Variants in CELF4 observed in about 807,000 individuals in gnomAD.
CELF4 encodes the protein CUGBP Elav-like family member 4.
A neutral mutation model predicts 59.9 loss-of-function variants in CELF4; 18 were observed. That is an observed-to-expected ratio of 0.30 (90% CI 0.21 to 0.45). The LOEUF (loss-of-function observed/expected upper bound fraction) is 0.45. CELF4 is among the 20% of genes least tolerant of loss of function. The pLI is 1.00. For missense variants in CELF4, 456 were observed against 689.0 expected (o/e 0.66, Z 3.79); for synonymous variants, 261 against 267.1 (o/e 0.98, Z 0.22).
chr18:37,350,064 A>G (rs982125855), intron 2 of CELF4, among the ~76,000 whole-genome samples: 7 of 152,120 alleles, frequency 4.6e-5, no homozygotes, highest in African/African-American at 1.4e-4. Flanking sequence ...TGGCAGTGCA[A>G]TTTGGGAGAG....
At chr18:37,373,763 A>T (rs115053451) in intron 2 of CELF4, among the ~76,000 whole-genome samples, 2,086 of 152,232 alleles carry the variant, frequency 0.014, 57 homozygotes, top group African/African-American at 0.048. Flanking sequence ...CTGTCCAGGC[A>T]GGGCATCATG....
At chr18:37,247,856 C>T (rs552144405) in intron 12 of CELF4, among the ~76,000 whole-genome samples, 2 of 152,178 alleles carry the variant, frequency 1.3e-5, no homozygotes, top group East Asian at 3.9e-4. Context: ...GGAGCAGGCG[C>T]TCTGCTTTTC....
chr18:37,411,194 G>T (rs2099450690), intron 2 of CELF4, among the ~76,000 whole-genome samples: 1 of 152,206 alleles, frequency 6.6e-6, no homozygotes, highest in Non-Finnish European at 1.5e-5. Context: ...GAGCTCAAGT[G>T]ATCCTCCCAC....
intron 2 of CELF4, among the ~76,000 whole-genome samples, chr18:37,336,913 C>T (rs550199249): frequency 1.2e-3 from 180 of 151,878 alleles, no homozygotes; most frequent in African/African-American, 4.1e-3. Flanking sequence ...GCGGGGCTGC[C>T]GGGCTGGCCC....
chr18:37,245,646 G>C lies in CELF4; in HGVS notation c.*45-449C>G, dbSNP rs1431032514. ...CCAGCCCACTCCTCCCAGCTCAAGG[G>C]AAAGAAGGAAGACACATCCGTGACT... On this transcript the variant is annotated intron_variant, in intron 12 of 12. Coordinates refer to ENST00000420428, the MANE Select transcript of CELF4 (RefSeq NM_020180.4). The surrounding 1 kb of genome is among the most constrained non-coding windows in gnomAD (Gnocchi z 4.1). 6.6e-6 allele frequency among the ~76,000 whole-genome samples: 1 copy of C among 152,064 alleles called. No homozygotes were observed. The highest frequency in any genetic ancestry group is 1.5e-5 in the Non-Finnish European group (1 of 68,036).
At chr18:37,379,149 G>A (rs1012875302) in intron 2 of CELF4, among the ~76,000 whole-genome samples, 4 of 152,158 alleles carry the variant, frequency 2.6e-5, no homozygotes, top group African/African-American at 7.2e-5. Flanking sequence ...CCTCCCCCGG[G>A]GCCTGGCCTA....
intron 2 of CELF4, among the ~76,000 whole-genome samples, chr18:37,434,591 G>T (rs900630625): frequency 6.6e-6 from 1 of 152,178 alleles, no homozygotes; most frequent in Non-Finnish European, 1.5e-5. Flanking sequence ...AGAGCCGGGG[G>T]TTTGCTGTGC....
chr18:37,476,618 C>T (rs1356652960), intron 2 of CELF4, among the ~76,000 whole-genome samples: 1 of 152,188 alleles, frequency 6.6e-6, no homozygotes, highest in African/African-American at 2.4e-5. Flanking sequence ...CCCACAGTTC[C>T]GGATCCCTGC....
At chr18:37,373,827 G>A (rs1244239309) in intron 2 of CELF4, among the ~76,000 whole-genome samples, 2 of 152,202 alleles carry the variant, frequency 1.3e-5, no homozygotes, top group African/African-American at 2.4e-5. Context: ...CACTAGGCAC[G>A]TGAGAGGCCC....
intron 2 of CELF4, among the ~76,000 whole-genome samples, chr18:37,483,606 C>G (rs530627101): frequency 1.3e-5 from 2 of 152,318 alleles, no homozygotes; most frequent in East Asian, 3.9e-4. Context: ...GCCACTGGAT[C>G]TCCCAGTATG....
intron 2 of CELF4, among the ~76,000 whole-genome samples, chr18:37,462,949 T>C (rs1448278593): frequency 6.6e-6 from 1 of 152,112 alleles, no homozygotes; most frequent in East Asian, 1.9e-4. Context: ...AGGTGTACCA[T>C]GTGTAAGAGC....
intron 1 of CELF4, 28 bp from the exon 2 acceptor site, chr18:37,485,635 G>T: frequency 7.3e-7 from 1 of 1,369,084 alleles, no homozygotes; most frequent in Non-Finnish European, 9.5e-7. Context: ...CGCCAAGAAG[G>T]GTCAGTGGGG....
intron 3 of CELF4, among the ~76,000 whole-genome samples, chr18:37,312,558 A>G (rs919849169): frequency 6.6e-6 from 1 of 152,220 alleles, no homozygotes; most frequent in African/African-American, 2.4e-5. Context: ...AAGGGAAAAC[A>G]TGCCCACCTA....
Position 37,512,672 on chromosome 18 carries a change from C to T in CELF4, c.287-27065G>A, listed in dbSNP as rs554307311. Among the ~76,000 whole-genome samples the T allele has an allele frequency of 2.0e-5, 3 of 151,030 alleles. No homozygotes were observed. The Admixed American group carries it at 2.0e-4, about 10-fold the overall frequency. On this transcript the variant is annotated intron_variant, in intron 1 of 12. Coordinates refer to ENST00000420428, the MANE Select transcript of CELF4 (RefSeq NM_020180.4). ...CCTTCTCCATCTCTTTCTTCTCCTC[C>T]TCTTCTTTCTTCTGTTCTTTATCTT...
At chr18:37,485,694 G>C in intron 1 of CELF4, 87 bp from the exon 2 acceptor site, 1 of 734,562 alleles carries the variant, frequency 1.4e-6, no homozygotes. Context: ...CCAGGCTCCC[G>C]CCCCTCCCTG....
intron 2 of CELF4, among the ~76,000 whole-genome samples, chr18:37,360,044 G>A (rs2098676732): frequency 1.3e-5 from 2 of 150,772 alleles, no homozygotes; most frequent in Admixed American, 1.3e-4. Flanking sequence ...GTAGAGACAG[G>A]GTTTCACCAT....
chr18:37,543,660 A>G (rs2154605546), intron 1 of CELF4, among the ~76,000 whole-genome samples: 1 of 152,312 alleles, frequency 6.6e-6, no homozygotes. Context: ...AAACCTTCAC[A>G]GTCATTATCT....
At chr18:37,266,458 G>T in intron 9 of CELF4, 75 bp downstream of exon 9, 4 of 1,381,808 alleles carry the variant, frequency 2.9e-6, no homozygotes, top group East Asian at 2.5e-5. Flanking sequence ...CCAGGCCTGA[G>T]GGGGCACTGG....
chr18:37,546,990 C>T (rs1438512877), intron 1 of CELF4, among the ~76,000 whole-genome samples: 1 of 152,170 alleles, frequency 6.6e-6, no homozygotes, highest in African/African-American at 2.4e-5. Flanking sequence ...CATCCCGGGA[C>T]AGACTCAACT....
Sources: allele counts gnomAD v4.1 joint callset (sites outside exome capture counted in the v4.1 genomes callset), GRCh38; gene constraint gnomAD v4.1.1; non-coding constraint Gnocchi (gnomAD v3.1); transcripts MANE v1.5; gene names NCBI Gene and HGNC (gene_info 2026-07-23, HGNC 2026-07-21).